TMC2: variants seen among roughly 807,000 people sequenced by gnomAD.
TMC2 encodes transmembrane channel like 2.
In TMC2, 102 loss-of-function variants were observed where a neutral mutation model predicts 105.9. That is an observed-to-expected ratio of 0.96 (90% CI 0.82 to 1.14). The LOEUF (loss-of-function observed/expected upper bound fraction) is 1.14. TMC2 is among the 50% of genes most tolerant of loss of function. The pLI, the probability that TMC2 is intolerant of heterozygous loss-of-function variation, is 0.00. For missense variants in TMC2, 1,093 were observed against 1,134.3 expected, an observed-to-expected ratio of 0.96 and a Z score of 0.52; for synonymous variants, 402 against 422.8, an observed-to-expected ratio of 0.95 and a Z score of 0.60.
intron 16 of TMC2, among the ~76,000 whole-genome samples, chr20:2,622,343 A>G (rs1420726413): frequency 6.6e-6 from 1 of 152,246 alleles, no homozygotes; most frequent in Non-Finnish European, 1.5e-5. Flanking sequence ...TTAAAAATGT[A>G]AAAATGATTC....
intron 2 of TMC2, among the ~76,000 whole-genome samples, chr20:2,555,130 G>T (rs1270710322): frequency 6.6e-6 from 1 of 152,048 alleles, no homozygotes; most frequent in East Asian, 1.9e-4. Context: ...GCCCAGGCTG[G>T]AGTGCAATGG....
intron 17 of TMC2, 68 bp from the exon 18 acceptor site, chr20:2,635,858 G>T: frequency 7.5e-7 from 1 of 1,329,562 alleles, no homozygotes; most frequent in Non-Finnish European, 1.1e-6. Context: ...GATTCCCCAA[G>T]AAAGGCGCCC....
intron 10 of TMC2, among the ~76,000 whole-genome samples, chr20:2,599,972 C>T (rs2086339040): frequency 6.6e-6 from 1 of 152,212 alleles, no homozygotes; most frequent in Non-Finnish European, 1.5e-5. Flanking sequence ...CATGGGTTTC[C>T]CAGCCCTAGA....
chr20:2,603,884 G>C (rs772361739), intron 11 of TMC2, among the ~76,000 whole-genome samples: 1 of 151,878 alleles, frequency 6.6e-6, no homozygotes, highest in Non-Finnish European at 1.5e-5. Flanking sequence ...CTGCAGCCTT[G>C]ATGTGCTGAC....
At chr20:2,575,908 A>G (rs1303543844) in intron 5 of TMC2, among the ~76,000 whole-genome samples, 4 of 151,910 alleles carry the variant, frequency 2.6e-5, no homozygotes, top group Non-Finnish European at 5.9e-5. Flanking sequence ...TAATCCTTCC[A>G]TATCTCATCT....
At chr20:2,590,876 G>C (rs1211382283) in intron 7 of TMC2, among the ~76,000 whole-genome samples, 2 of 151,940 alleles carry the variant, frequency 1.3e-5, no homozygotes, top group African/African-American at 2.4e-5. Flanking sequence ...CTTAAAAATA[G>C]AATTTAAAAT....
rs1457689743 is a variant in TMC2, at chr20:2,617,471, T to C, written c.2180+160T>C. On this transcript the variant is annotated intron_variant, in intron 16 of 19. Transcript: ENST00000358864. ...CATTTAAGAGGGTTTTCTGCCAGGATGGAAATGTTAGGTCGTTCTGTGTCT... is the reference window on the plus strand; with the variant it reads ...CATTTAAGAGGGTTTTCTGCCAGGACGGAAATGTTAGGTCGTTCTGTGTCT... 1.2e-5 allele frequency: 12 copies of C among 985,276 alleles called. No individual in the cohort carries two copies. In the African/African-American group the frequency reaches 1.5e-4, roughly 12 times the overall value. 61.0% of individuals were successfully genotyped at this position (985,276 alleles called of 1,614,324 possible).
Position 2,613,287 on chromosome 20 carries a change from A to C in TMC2, c.1837A>C (p.Asn613His). 6.2e-7 allele frequency: 1 copy of C among 1,614,014 alleles called. No individual in the cohort carries two copies. Among genetic ancestry groups the C allele is most frequent in the South Asian group, 1.1e-5 (1 of 91,074 alleles). The change falls in exon 14 of 20, where the codon AAC becomes CAC. Residue 613 changes from asparagine (N) to histidine (H), a missense_variant. Coordinates refer to ENST00000358864, the MANE Select transcript of TMC2 (RefSeq NM_080751.3). Reference protein sequence around the residue: ...FLRACFVRFMNYCWCWDLEAG... With the variant: ...FLRACFVRFMHYCWCWDLEAG... The stretch of plus-strand genomic sequence containing the variant: ...ACGGGCTTGTTTTGTGCGGTTCATG[A>C]ACTACTGCTGGTGCTGGGACTTGGA...
At chr20:2,543,739 A>G (rs2085905829) in intron 2 of TMC2, among the ~76,000 whole-genome samples, 1 of 152,092 alleles carries the variant, frequency 6.6e-6, no homozygotes, top group Admixed American at 6.6e-5. Flanking sequence ...TGAGTTCTCA[A>G]TTTCTCCTTG....
At position 2,636,011 on chromosome 20, in the gene TMC2, C is replaced by A; in HGVS notation, c.2385+7C>A. ...GAGGAAGAAAATCCAAGTGGTGAGT[C>A]TGTTGGGAGTTTCATCCTGGACGGT... is the stretch of plus-strand genomic sequence containing the variant. On this transcript the variant is annotated splice_region_variant and intron_variant, in intron 18 of 19. Transcript: ENST00000358864. 1.2e-6 allele frequency: 2 copies of A among 1,612,890 alleles called. No individual in the cohort carries two copies. The highest frequency in any genetic ancestry group is 1.3e-5 in the African/African-American group (1 of 75,028).
chr20:2,598,776 C>CA (rs773722474), intron 10 of TMC2, among the ~76,000 whole-genome samples: 6 of 152,102 alleles, frequency 3.9e-5, no homozygotes, highest in Non-Finnish European at 7.4e-5. Context: ...GTGCTGCTGA[C>CA]AAAGTTTCCA....
intron 5 of TMC2, among the ~76,000 whole-genome samples, chr20:2,578,250 G>A (rs945356386): frequency 6.6e-6 from 1 of 152,114 alleles, no homozygotes; most frequent in Non-Finnish European, 1.5e-5. Flanking sequence ...AACCCCGGAG[G>A]TGGAGGTTGC....
At position 2,579,213 on chromosome 20, in the gene TMC2, T is replaced by TC; in HGVS notation, c.714dup (p.Lys239GlnfsTer4). ...CAATGTATCCCCTGGGAAATGAAGATCAAGGACATTGAAAGTGAGTATGCT... is the reference window on the plus strand; with the variant it reads ...CAATGTATCCCCTGGGAAATGAAGATCCAAGGACATTGAAAGTGAGTATGCT... On this transcript the variant is annotated frameshift_variant, in exon 6 of 20. Coordinates refer to ENST00000358864, the MANE Select transcript of TMC2 (RefSeq NM_080751.3). LOFTEE classifies it high-confidence loss of function. The TC allele has an allele frequency of 1.3e-6, 2 of 1,597,236 alleles. No homozygotes were observed. The highest frequency in any genetic ancestry group is 1.7e-6 in the Non-Finnish European group (2 of 1,164,702).
intron 2 of TMC2, among the ~76,000 whole-genome samples, chr20:2,557,242 G>T (rs2085990430): frequency 6.6e-6 from 1 of 152,122 alleles, no homozygotes; most frequent in African/African-American, 2.4e-5. Flanking sequence ...TTGTCCCACA[G>T]TTTGGGGATA....
chr20:2,616,934 A>C lies in TMC2; in HGVS notation c.1941-138A>C. ...ATGATCGATATTCTGGTTAAATGGG[A>C]GGCCCCTTACCTGGGGACTTGCCAG... On this transcript the variant is annotated intron_variant, in intron 15 of 19. Coordinates refer to ENST00000358864, the MANE Select transcript of TMC2 (RefSeq NM_080751.3). The surrounding 1 kb of genome is among the most constrained non-coding windows in gnomAD (Gnocchi z 4.8). 1.2e-6 allele frequency: 1 copy of C among 867,728 alleles called. No individual in the cohort carries two copies. Among genetic ancestry groups the C allele is most frequent in the East Asian group, 2.6e-5 (1 of 38,516 alleles). The allele number at this position is 867,728 out of a possible 1,614,324, so 53.8% of individuals were successfully genotyped here. A position where few individuals can be genotyped will look rare whatever the true frequency, so the allele number is the denominator to read the frequency against.
chr20:2,572,040 G>A (rs535908781), intron 4 of TMC2, 139 bp from the exon 5 acceptor site: 11 of 668,632 alleles, frequency 1.6e-5, no homozygotes, highest in Middle Eastern at 2.8e-4. Flanking sequence ...ACAGAATGTC[G>A]TGCCTTCATG....
Position 2,558,716 on chromosome 20 carries a change from A to G in TMC2, c.343A>G (p.Lys115Glu), listed in dbSNP as rs749089556. ...CTTCCAGGAGCGGACAGCAGCCCCAAAGAGGGAAAAGGAGATTCCGAGGAG... is the reference window on the plus strand; with the variant it reads ...CTTCCAGGAGCGGACAGCAGCCCCAGAGAGGGAAAAGGAGATTCCGAGGAG... ...ASFQERTAAP[K>E]REKEIPRREE... The change falls in exon 3 of 20, where the codon AAG (lysine) becomes GAG (glutamate). Residue 115 changes from lysine (K) to glutamate (E), a missense_variant. Transcript: ENST00000358864. This position sits in a 1 kb window ranked among gnomAD's most constrained non-coding sequence, Gnocchi z 4.6. The G allele has an allele frequency of 1.2e-6, 2 of 1,601,154 alleles. No individual in the cohort carries two copies. The highest frequency in any genetic ancestry group is 8.5e-7 in the Non-Finnish European group (1 of 1,173,938).
chr20:2,543,828 C>A (rs182685715), intron 2 of TMC2, among the ~76,000 whole-genome samples: 4 of 151,864 alleles, frequency 2.6e-5, no homozygotes, highest in Non-Finnish European at 5.9e-5. Context: ...GAGAGGTCAT[C>A]ATTTCATATC....
Position 2,539,400 on chromosome 20 carries a change from T to A in TMC2, c.82+2084T>A, listed in dbSNP as rs188029249. On this transcript the variant is annotated intron_variant, in intron 2 of 19. Transcript: ENST00000358864. ...CAGGAATTACAGCTCAGAAAAAAAATTGTAACACCAAATTATATCTACAGT... is the reference window on the plus strand; with the variant it reads ...CAGGAATTACAGCTCAGAAAAAAAAATGTAACACCAAATTATATCTACAGT... Among the ~76,000 whole-genome samples, 366 of 152,232 alleles carry A rather than the reference T, an allele frequency of 2.4e-3. 2 individuals carry two copies. Among genetic ancestry groups the A allele is most frequent in the African/African-American group, 8.5e-3 (354 of 41,536 alleles).
Sources: allele counts gnomAD v4.1 joint callset (sites outside exome capture counted in the v4.1 genomes callset), GRCh38; gene constraint gnomAD v4.1.1; non-coding constraint Gnocchi (gnomAD v3.1); transcripts MANE v1.5; gene names NCBI Gene and HGNC (gene_info 2026-07-23, HGNC 2026-07-21).